FANCL: variants seen among roughly 807,000 people sequenced by gnomAD.
The protein encoded by FANCL is E3 ubiquitin-protein ligase FANCL.
In FANCL, 69 loss-of-function variants were observed where a neutral mutation model predicts 59.4. That is an observed-to-expected ratio of 1.16 (90% CI 0.96 to 1.42). The LOEUF is 1.42. FANCL is among the 40% of genes most tolerant of loss of function. FANCL has a pLI of 0.00. For missense variants in FANCL, 519 were observed against 447.2 expected (o/e 1.16, Z -1.45); for synonymous variants, 180 against 147.1 (o/e 1.22, Z -1.62).
intron 7 of FANCL, among the ~76,000 whole-genome samples, chr2:58,183,218 A>G (rs528304810): frequency 2.6e-5 from 4 of 152,034 alleles, no homozygotes; most frequent in African/African-American, 9.6e-5. Flanking sequence ...AAAAAAATGA[A>G]TAAAGACATA....
intron 7 of FANCL, among the ~76,000 whole-genome samples, chr2:58,169,538 G>A (rs547156854): frequency 2.9e-4 from 44 of 152,148 alleles, no homozygotes; most frequent in African/African-American, 1.1e-3. Flanking sequence ...GAACAAAACT[G>A]GACAGAGAAT....
At chr2:58,221,808 C>CAATAAGGATCA in intron 5 of FANCL, 134 bp downstream of exon 5, 1 of 643,694 alleles carries the variant, frequency 1.6e-6, no homozygotes, top group Non-Finnish European at 2.7e-6. Flanking sequence ...TTCACAGCAA[C>CAATAAGGATCA]AATAAGGATC....
chr2:58,187,872 A>T (rs1429598420), intron 7 of FANCL, among the ~76,000 whole-genome samples: 1 of 152,168 alleles, frequency 6.6e-6, no homozygotes, highest in Non-Finnish European at 1.5e-5. Flanking sequence ...AACATTTTCC[A>T]GTCTAGCTTC....
rs1685409341 is a variant in FANCL at position 58,162,853 on chromosome 2, T to A, written c.903+13A>T. On this transcript the variant is annotated intron_variant, in intron 11 of 13. Transcript: ENST00000233741. ...AATACTGTCTGGAATATCAAAACAC[T>A]GATAAAACTTACAGATTTTTCCAGG... 1 of 1,604,506 alleles carries A rather than the reference T, an allele frequency of 6.2e-7. No homozygotes were observed.
chr2:58,186,350 A>C (rs1438451379), intron 7 of FANCL, among the ~76,000 whole-genome samples: 1 of 152,278 alleles, frequency 6.6e-6, no homozygotes, highest in Non-Finnish European at 1.5e-5. Flanking sequence ...CTTCATCTGT[A>C]GCATACAACA....
rs752844204 is a variant in FANCL at position 58,161,502 on chromosome 2, A to C, written c.1020+20T>G. The C allele has an allele frequency of 4.1e-6, 6 of 1,456,204 alleles. No individual in the cohort carries two copies. In the South Asian group the frequency reaches 6.8e-5, roughly 17 times the overall value. 90.2% of individuals were successfully genotyped at this position (1,456,204 alleles called of 1,614,324 possible). On this transcript the variant is annotated intron_variant, in intron 12 of 13. Transcript: ENST00000233741. ...GTTGTGTTAGCGGAAAAAAGTCTTG[A>C]CAATATTTTTATTTTTTACCTCATA...
intron 5 of FANCL, among the ~76,000 whole-genome samples, chr2:58,207,315 C>G (rs1338148170): frequency 1.3e-5 from 2 of 152,166 alleles, no homozygotes; most frequent in African/African-American, 4.8e-5. Context: ...TATGACATAT[C>G]TGCACTGTTT....
intron 1 of FANCL, among the ~76,000 whole-genome samples, chr2:58,232,727 G>A (rs1006891818): frequency 6.6e-6 from 1 of 151,918 alleles, no homozygotes; most frequent in Non-Finnish European, 1.5e-5. Context: ...TTACTCAAGA[G>A]TCTTTCTAAG....
intron 7 of FANCL, among the ~76,000 whole-genome samples, chr2:58,170,532 G>A (rs115886160): frequency 0.02 from 3,099 of 151,878 alleles, 114 homozygotes; most frequent in African/African-American, 0.072. Flanking sequence ...ACACATAAAT[G>A]TAAACGAGCT....
Position 58,163,083 on chromosome 2 carries a change from TAAAA to T in FANCL, c.776-13_776-10del, listed in dbSNP as rs374236117. 1 of 1,282,170 alleles carries T rather than the reference TAAAA, an allele frequency of 7.8e-7. No individual in the cohort carries two copies. The allele number at this position is 1,282,170 out of a possible 1,614,324, so 79.4% of individuals were successfully genotyped here. ...TCCCAGGGGTTTTACCACTTCAGAT[TAAAA>T]AAAAAAAATTTAATAATTGCATGCT... is the stretch of plus-strand genomic sequence containing the variant. On this transcript the variant is annotated splice_polypyrimidine_tract_variant and intron_variant, in intron 9 of 13. Transcript: ENST00000233741.
At chr2:58,230,017 G>C in intron 2 of FANCL, 143 bp from the exon 3 acceptor site, 1 of 640,212 alleles carries the variant, frequency 1.6e-6, no homozygotes, top group South Asian at 1.9e-5. Flanking sequence ...CACTGATACT[G>C]TTCAAAGTCT....
intron 1 of FANCL, among the ~76,000 whole-genome samples, chr2:58,237,635 A>C (rs1487102170): frequency 2.0e-5 from 3 of 152,276 alleles, no homozygotes; most frequent in African/African-American, 7.2e-5. Context: ...TCTTTGAAGA[A>C]ATCAGTAAAA....
intron 1 of FANCL, among the ~76,000 whole-genome samples, chr2:58,236,122 A>C (rs1433504583): frequency 6.6e-6 from 1 of 151,870 alleles, no homozygotes; most frequent in Non-Finnish European, 1.5e-5. Context: ...ATATATACTC[A>C]GAGATCCAAG....
intron 6 of FANCL, among the ~76,000 whole-genome samples, chr2:58,203,285 T>G (rs1464005766): frequency 6.6e-6 from 1 of 151,904 alleles, no homozygotes; most frequent in Admixed American, 6.6e-5. Context: ...CAGCTTTAGA[T>G]ATTAATTTTC....
chr2:58,234,586 A>T (rs916655596), intron 1 of FANCL, among the ~76,000 whole-genome samples: 20 of 151,954 alleles, frequency 1.3e-4, no homozygotes, highest in Non-Finnish European at 2.2e-4. Flanking sequence ...AAAAAAATTT[A>T]AAAATATAAT....
chr2:58,215,363 T>A (rs1383526381), intron 5 of FANCL, among the ~76,000 whole-genome samples: 1 of 152,200 alleles, frequency 6.6e-6, no homozygotes, highest in Non-Finnish European at 1.5e-5. Flanking sequence ...ATCTCATGAA[T>A]AAATATCAAC....
rs1198509820 is a variant in FANCL, at chr2:58,204,220, C to A, written c.381G>T (p.Val127=). 10 of 1,612,482 alleles carry A rather than the reference C, an allele frequency of 6.2e-6. No individual in the cohort carries two copies. Among genetic ancestry groups the A allele is most frequent in the Non-Finnish European group, 6.8e-6 (8 of 1,178,794 alleles). ...EIGTLGWDKL[V]YADTCFSTIK... is the part of the protein sequence containing the mutation. ...TGGTACTGAAGCAGGTATCCGCATA[C>A]ACAAGTCTGGTGAGCAGAGGAGAAT... Residue 127 remains valine (V), a synonymous_variant, in exon 6 of 14, where the codon GTG becomes GTT. Coordinates refer to ENST00000233741, the MANE Select transcript of FANCL (RefSeq NM_018062.4).
intron 3 of FANCL, 22 bp downstream of exon 3, chr2:58,229,791 TA>T: frequency 6.4e-7 from 1 of 1,561,702 alleles, no homozygotes; most frequent in Non-Finnish European, 8.8e-7. Flanking sequence ...ACTGAAAACA[TA>T]AACCTTTTAA....
chr2:58,205,500 A>C (rs925691304), intron 5 of FANCL, among the ~76,000 whole-genome samples: 3 of 152,224 alleles, frequency 2.0e-5, no homozygotes, highest in Non-Finnish European at 4.4e-5. Context: ...TGAAGTTCAG[A>C]TATATCAATA....
Sources: allele counts gnomAD v4.1 joint callset (sites outside exome capture counted in the v4.1 genomes callset), GRCh38; gene constraint gnomAD v4.1.1; transcripts MANE v1.5; gene names NCBI Gene and HGNC (gene_info 2026-07-23, HGNC 2026-07-21).